SLC22A15: variants seen among roughly 807,000 people sequenced by gnomAD.
SLC22A15 encodes the protein solute carrier family 22 member 15.
SLC22A15 carries 45 observed loss-of-function variants against 62.7 expected under a neutral mutation model. That is an observed-to-expected ratio of 0.72 (90% confidence interval 0.56 to 0.92). SLC22A15 has a LOEUF of 0.92. Among genes scored for constraint, SLC22A15 ranks in the 40% least tolerant of loss-of-function variants. The pLI is 0.00. For synonymous variants in SLC22A15, 264 were observed against 267.0 expected (o/e 0.99, Z 0.11); for missense variants, 622 against 665.6 (o/e 0.93, Z 0.72).
At chr1:116,053,410 A>C (rs1440425873) in intron 8 of SLC22A15, among the ~76,000 whole-genome samples, 1 of 152,156 alleles carries the variant, frequency 6.6e-6, no homozygotes, top group Non-Finnish European at 1.5e-5. Context: ...TATGTGAAAA[A>C]ACCAAATCTA....
chr1:116,037,189 G>A (rs112967709), intron 7 of SLC22A15, 114 bp from the exon 8 acceptor site: 69 of 862,402 alleles, frequency 8.0e-5, no homozygotes, highest in Middle Eastern at 4.7e-4. Context: ...TTAGCCTTAA[G>A]AGGAGATGAA....
chr1:116,059,507 A>G (rs1300446404), intron 8 of SLC22A15, among the ~76,000 whole-genome samples: 2 of 152,324 alleles, frequency 1.3e-5, no homozygotes, highest in East Asian at 3.9e-4. Context: ...ACTATGTCCT[A>G]CTGTGCTGAG....
At chr1:116,005,751 C>T (rs1374846903) in intron 2 of SLC22A15, among the ~76,000 whole-genome samples, 2 of 152,064 alleles carry the variant, frequency 1.3e-5, no homozygotes, top group Non-Finnish European at 1.5e-5. Context: ...GGCTCAGGAC[C>T]AAGGAGGAGT....
At chr1:116,018,270 T>C (rs1656643064) in intron 2 of SLC22A15, among the ~76,000 whole-genome samples, 1 of 152,244 alleles carries the variant, frequency 6.6e-6, no homozygotes, top group African/African-American at 2.4e-5. Context: ...ATGCTATATT[T>C]GTGTTTCTGT....
intron 7 of SLC22A15, 91 bp downstream of exon 7, chr1:116,035,418 T>C: frequency 9.1e-7 from 1 of 1,095,206 alleles, no homozygotes; most frequent in Non-Finnish European, 1.3e-6. Flanking sequence ...TATATGGTGT[T>C]GTCTTTGTAT....
At chr1:116,026,747 T>C in intron 4 of SLC22A15, 146 bp from the exon 5 acceptor site, 2 of 811,134 alleles carry the variant, frequency 2.5e-6, no homozygotes. Context: ...TAGTGTAGAT[T>C]TTTTTTTCTT....
At chr1:115,976,747 C>A in intron 1 of SLC22A15, 33 bp downstream of exon 1, 1 of 1,520,558 alleles carries the variant, frequency 6.6e-7, no homozygotes. Flanking sequence ...CCGCATTTCC[C>A]TCTTCAGGGC....
chr1:115,990,372 T>A (rs1655088303), intron 1 of SLC22A15, among the ~76,000 whole-genome samples: 1 of 152,236 alleles, frequency 6.6e-6, no homozygotes, highest in African/African-American at 2.4e-5. Context: ...CCTTGCCCCA[T>A]GTTTTTCATT....
intron 1 of SLC22A15, among the ~76,000 whole-genome samples, chr1:115,987,259 G>A (rs76482415): frequency 0.23 from 33,993 of 150,024 alleles, 4,398 homozygotes; most frequent in East Asian, 0.47. Context: ...TCCGCCTCCC[G>A]GGTTCACGCC....
chr1:116,049,887 A>AT (rs1658007538), intron 8 of SLC22A15, among the ~76,000 whole-genome samples: 1 of 152,148 alleles, frequency 6.6e-6, no homozygotes, highest in African/African-American at 2.4e-5. Context: ...AATCCAAATA[A>AT]CCTCATTAAG....
chr1:116,056,593 G>A (rs1570772760), intron 8 of SLC22A15, among the ~76,000 whole-genome samples: 4 of 151,188 alleles, frequency 2.6e-5, no homozygotes, highest in East Asian at 3.9e-4. Flanking sequence ...AGCCCACATC[G>A]CCAAGTCAAT....
chr1:116,041,318 G>C (rs551353346), intron 8 of SLC22A15, among the ~76,000 whole-genome samples: 1 of 152,254 alleles, frequency 6.6e-6, no homozygotes, highest in Non-Finnish European at 1.5e-5. Context: ...ACAATCTAAT[G>C]AGAGTAATTA....
intron 6 of SLC22A15, among the ~76,000 whole-genome samples, chr1:116,034,962 G>C (rs1363185243): frequency 6.6e-6 from 1 of 152,176 alleles, no homozygotes; most frequent in Non-Finnish European, 1.5e-5. Flanking sequence ...ATAACATATA[G>C]ACATAGCTCA....
rs769937421 is a variant in SLC22A15 at position 116,068,576 on chromosome 1, A to T, written c.*1468A>T. 1 of 152,190 alleles carries T rather than the reference A, an allele frequency of 6.6e-6. No individual in the cohort carries two copies. Among genetic ancestry groups the T allele is most frequent in the Non-Finnish European group, 1.5e-5 (1 of 68,054 alleles). The allele number at this position is 152,190 out of a possible 1,614,324, so 9.4% of individuals were successfully genotyped here. On this transcript the variant is annotated 3_prime_UTR_variant, in exon 12 of 12. Coordinates refer to ENST00000369503, the MANE Select transcript of SLC22A15 (RefSeq NM_018420.3). ...CCCTTGATTATTAGTTGGGCTCTTC[A>T]TAAACAGAGGCCATCTCTACTACTG...
chr1:115,997,327 G>C (rs1043808774), intron 2 of SLC22A15, among the ~76,000 whole-genome samples: 2 of 151,858 alleles, frequency 1.3e-5, no homozygotes, highest in Non-Finnish European at 2.9e-5. Flanking sequence ...ATTTTTTTCT[G>C]TTTCTGTGAA....
At chr1:116,011,392 A>G (rs78461304) in intron 2 of SLC22A15, among the ~76,000 whole-genome samples, 1 of 152,300 alleles carries the variant, frequency 6.6e-6, no homozygotes, top group Non-Finnish European at 1.5e-5. Context: ...AGAGAATGGC[A>G]TTCGGTGGCT....
intron 4 of SLC22A15, among the ~76,000 whole-genome samples, chr1:116,023,167 G>A (rs35415357): frequency 0.064 from 9,762 of 152,210 alleles, 419 homozygotes; most frequent in Middle Eastern, 0.11. Flanking sequence ...TTTGCAATAT[G>A]TAAAAAACAA....
intron 2 of SLC22A15, 24 bp from the exon 3 acceptor site, chr1:116,019,558 C>A (rs376462625): frequency 1.0e-4 from 158 of 1,575,958 alleles, no homozygotes; most frequent in Middle Eastern, 1.7e-4. Flanking sequence ...CTACATGTCT[C>A]TCTTTTGTTT....
At chr1:116,010,584 A>G (rs1333236314) in intron 2 of SLC22A15, among the ~76,000 whole-genome samples, 1 of 152,228 alleles carries the variant, frequency 6.6e-6, no homozygotes, top group Non-Finnish European at 1.5e-5. Flanking sequence ...TAGTCACAGG[A>G]GGCCTCTGAT....
Sources: allele counts gnomAD v4.1 joint callset (sites outside exome capture counted in the v4.1 genomes callset), GRCh38; gene constraint gnomAD v4.1.1; transcripts MANE v1.5; gene names NCBI Gene and HGNC (gene_info 2026-07-23, HGNC 2026-07-21).